The following SGCZ variants were observed in gnomAD, a reference collection of about 807,000 sequenced individuals.
SGCZ encodes sarcoglycan zeta, also known as zeta-sarcoglycan.
In SGCZ, 40 loss-of-function variants were observed where a neutral mutation model predicts 41.3. That is an observed-to-expected ratio of 0.97 (90% CI 0.75 to 1.26). The LOEUF (loss-of-function observed/expected upper bound fraction) is 1.26, where lower values mean the gene tolerates loss of function less well. Among genes scored for constraint, SGCZ ranks in the 50% most tolerant of loss-of-function variants. The probability of loss-of-function intolerance (pLI) is 0.00; values close to 1 mark genes in which losing one functional copy is unlikely to be tolerated. For missense variants in SGCZ, 552 were observed against 369.8 expected, an observed-to-expected ratio of 1.49 and a Z score of -4.04; for synonymous variants, 206 against 137.5, an observed-to-expected ratio of 1.50 and a Z score of -3.49.
chr8:14,786,855 A>AG (rs1563268857), intron 1 of SGCZ, among the ~76,000 whole-genome samples: 1 of 151,674 alleles, frequency 6.6e-6, no homozygotes, highest in Non-Finnish European at 1.5e-5. Flanking sequence ...AAAAAAACAA[A>AG]AAACACATAG....
chr8:15,143,600 T>C (rs1424988750), intron 1 of SGCZ, among the ~76,000 whole-genome samples: 1 of 152,238 alleles, frequency 6.6e-6, no homozygotes. Flanking sequence ...CAAAAACACA[T>C]GGGTTTAACC....
chr8:14,820,447 G>A (rs776622660), intron 1 of SGCZ, among the ~76,000 whole-genome samples: 3 of 151,926 alleles, frequency 2.0e-5, no homozygotes, highest in Admixed American at 2.0e-4. Context: ...TAGGAAAAAA[G>A]TCTACAAAGA....
At chr8:14,556,980 C>T (rs984028693) in intron 1 of SGCZ, among the ~76,000 whole-genome samples, 14 of 151,902 alleles carry the variant, frequency 9.2e-5, no homozygotes, top group African/African-American at 3.4e-4. Context: ...AATGGTAGTT[C>T]TACATTTAAT....
intron 1 of SGCZ, among the ~76,000 whole-genome samples, chr8:15,003,707 A>G (rs1373715006): frequency 6.6e-6 from 1 of 152,186 alleles, no homozygotes; most frequent in African/African-American, 2.4e-5. Flanking sequence ...CCAACTGGAA[A>G]TAAATCAGGA....
chr8:14,502,854 G>A (rs1457000468), intron 2 of SGCZ, among the ~76,000 whole-genome samples: 2 of 152,144 alleles, frequency 1.3e-5, no homozygotes, highest in African/African-American at 2.4e-5. Context: ...GTTGGTGGGA[G>A]TGTAAATTCA....
At chr8:14,284,139 C>T (rs960240506) in intron 3 of SGCZ, among the ~76,000 whole-genome samples, 3 of 152,196 alleles carry the variant, frequency 2.0e-5, no homozygotes, top group African/African-American at 7.2e-5. Flanking sequence ...TGCCTGCAAT[C>T]CAAGCACTTT....
chr8:14,822,956 A>G (rs1802160456), intron 1 of SGCZ, among the ~76,000 whole-genome samples: 1 of 149,620 alleles, frequency 6.7e-6, no homozygotes, highest in Non-Finnish European at 1.5e-5. Flanking sequence ...TGGCTGGCTG[A>G]GGCAGGAGAA....
At chr8:15,146,027 GCT>G (rs1799026003) in intron 1 of SGCZ, among the ~76,000 whole-genome samples, 1 of 152,128 alleles carries the variant, frequency 6.6e-6, no homozygotes, top group Non-Finnish European at 1.5e-5. Flanking sequence ...CCCTCTCTCT[GCT>G]CTGTTAGTGG....
intron 1 of SGCZ, among the ~76,000 whole-genome samples, chr8:14,799,786 C>G (rs1468189393): frequency 2.6e-5 from 4 of 152,108 alleles, no homozygotes; most frequent in Admixed American, 2.6e-4. Flanking sequence ...TTGCCTACTT[C>G]TCGCTGGCCT....
At chr8:14,710,201 T>TA (rs200986748) in intron 1 of SGCZ, among the ~76,000 whole-genome samples, 22 of 133,594 alleles carry the variant, frequency 1.6e-4, no homozygotes, top group Middle Eastern at 3.8e-3. Flanking sequence ...CCGTCTCTAC[T>TA]AAAAAAAACA....
At chr8:14,612,168 G>T (rs879337126) in intron 1 of SGCZ, among the ~76,000 whole-genome samples, 10 of 151,924 alleles carry the variant, frequency 6.6e-5, no homozygotes, top group Non-Finnish European at 1.0e-4. Flanking sequence ...ATATGGTTTG[G>T]CTCTGTGTCC....
chr8:14,170,372 A>G (rs1804341286), intron 4 of SGCZ, among the ~76,000 whole-genome samples: 1 of 152,126 alleles, frequency 6.6e-6, no homozygotes, highest in African/African-American at 2.4e-5. Flanking sequence ...TAATGGCATA[A>G]ATATTATATT....
At chr8:14,113,583 C>G (rs937033060) in intron 5 of SGCZ, among the ~76,000 whole-genome samples, 19 of 151,916 alleles carry the variant, frequency 1.3e-4, no homozygotes, top group Non-Finnish European at 2.1e-4. Flanking sequence ...AATGGTAAAA[C>G]CATATTCCAC....
intron 2 of SGCZ, among the ~76,000 whole-genome samples, chr8:14,408,952 A>AGTGT (rs67492518): frequency 8.0e-5 from 12 of 149,566 alleles, no homozygotes; most frequent in South Asian, 4.2e-4. Flanking sequence ...AAATTAAGAG[A>AGTGT]GTGTGTGTGT....
intron 1 of SGCZ, among the ~76,000 whole-genome samples, chr8:14,569,053 A>C: frequency 6.6e-6 from 1 of 152,208 alleles, no homozygotes; most frequent in East Asian, 1.9e-4. Flanking sequence ...CTGGTAAAGG[A>C]AGCTTTCGAG....
chr8:14,825,976 T>C lies in SGCZ; in HGVS notation c.40-271050A>G, dbSNP rs537553006. ...ATTATACTTTAAGTTTTAGGGTACA[T>C]GTGCACAATGTGCAGGTTTGTTACA... On this transcript the variant is annotated intron_variant, in intron 1 of 7. Coordinates refer to ENST00000382080, the MANE Select transcript of SGCZ (RefSeq NM_139167.4). Among the ~76,000 whole-genome samples, 5 of 152,234 alleles carry C rather than the reference T, an allele frequency of 3.3e-5. No individual in the cohort carries two copies. In the East Asian group the frequency reaches 9.7e-4, roughly 29 times the overall value.
chr8:14,619,300 A>C (rs1408474483), intron 1 of SGCZ, among the ~76,000 whole-genome samples: 1 of 152,158 alleles, frequency 6.6e-6, no homozygotes, highest in Admixed American at 6.6e-5. Context: ...CAAAATAATA[A>C]GAGCTATCTA....
intron 1 of SGCZ, among the ~76,000 whole-genome samples, chr8:14,807,986 T>C (rs1190391607): frequency 3.3e-5 from 5 of 151,478 alleles, no homozygotes; most frequent in African/African-American, 1.2e-4. Context: ...GGGGAAAGGA[T>C]TCCCTATTTA....
intron 1 of SGCZ, among the ~76,000 whole-genome samples, chr8:14,732,149 C>A (rs1585216725): frequency 6.6e-6 from 1 of 152,114 alleles, no homozygotes; most frequent in African/African-American, 2.4e-5. Flanking sequence ...GGATCTAGGT[C>A]CTTTTTTATT....
Sources: gnomAD v4.1 joint callset for allele counts (sites outside exome capture counted in the v4.1 genomes callset) on GRCh38, gnomAD v4.1.1 for gene constraint, MANE v1.5 for transcripts, NCBI Gene and HGNC (gene_info 2026-07-23, HGNC 2026-07-21) for gene names.